Variants in CYP19A1 observed in about 807,000 individuals in gnomAD.
CYP19A1 encodes cytochrome P450 family 19 subfamily A member 1, also known as aromatase.
Under a neutral mutation model 44.4 loss-of-function variants are expected in CYP19A1, and 32 were observed. The ratio of observed to expected loss-of-function variants is 0.72; its 90% CI spans 0.54 to 0.97. The LOEUF (loss-of-function observed/expected upper bound fraction) is 0.97, where lower values mean the gene tolerates loss of function less well. Ranked by LOEUF, CYP19A1 falls within the 50% of genes least tolerant of loss-of-function variation. The probability of loss-of-function intolerance (pLI) is 0.00; values close to 1 mark genes in which losing one functional copy is unlikely to be tolerated. For synonymous variants in CYP19A1, 212 were observed against 215.6 expected, an observed-to-expected ratio of 0.98 and a Z score of 0.14; for missense variants, 598 against 637.8, an observed-to-expected ratio of 0.94 and a Z score of 0.67.
intron 1 of CYP19A1, among the ~76,000 whole-genome samples, chr15:51,308,165 C>T (rs976181573): frequency 6.6e-6 from 1 of 152,178 alleles, no homozygotes; most frequent in Non-Finnish European, 1.5e-5. Flanking sequence ...GGAGGAGAAG[C>T]TGCCCCTCAC....
At chr15:51,268,528 C>CCG (rs1555394978) in intron 1 of CYP19A1, among the ~76,000 whole-genome samples, 2 of 128,608 alleles carry the variant, frequency 1.6e-5, no homozygotes, top group Non-Finnish European at 3.4e-5. Flanking sequence ...TTCCCCCCCC[C>CCG]CCTTTTTTTT....
At chr15:51,307,140 G>T (rs775724172) in intron 1 of CYP19A1, among the ~76,000 whole-genome samples, 1 of 152,186 alleles carries the variant, frequency 6.6e-6, no homozygotes, top group Non-Finnish European at 1.5e-5. Context: ...GCCAACGAAA[G>T]CAAACGTGCC....
At chr15:51,212,294 A>C (rs1004738726) in intron 9 of CYP19A1, 26 bp downstream of exon 9, 1 of 1,501,412 alleles carries the variant, frequency 6.7e-7, no homozygotes. Flanking sequence ...AGAGTGGCAC[A>C]CTCAGTTTTA....
chr15:51,308,296 T>C (rs990182788), intron 1 of CYP19A1, among the ~76,000 whole-genome samples: 1 of 152,204 alleles, frequency 6.6e-6, no homozygotes, highest in East Asian at 1.9e-4. Context: ...TTGGGCTGCC[T>C]CTGATCCCCA....
intron 1 of CYP19A1, among the ~76,000 whole-genome samples, chr15:51,256,503 G>T (rs1566898215): frequency 6.6e-6 from 1 of 152,172 alleles, no homozygotes; most frequent in Admixed American, 6.5e-5. Flanking sequence ...GGGAGTGGGG[G>T]TCCTGCACAA....
chr15:51,333,870 T>G (rs1239267221), intron 1 of CYP19A1, among the ~76,000 whole-genome samples: 1 of 152,168 alleles, frequency 6.6e-6, no homozygotes, highest in Non-Finnish European at 1.5e-5. Flanking sequence ...TTACTCTGCC[T>G]TTGCAACCCA....
At chr15:51,324,299 A>G (rs953100772) in intron 1 of CYP19A1, among the ~76,000 whole-genome samples, 8 of 152,258 alleles carry the variant, frequency 5.3e-5, no homozygotes, top group Admixed American at 6.5e-5. Context: ...CTTCTTGGGA[A>G]TTATTCTAGT....
At chr15:51,232,864 A>G (rs2033134292) in intron 3 of CYP19A1, among the ~76,000 whole-genome samples, 1 of 152,204 alleles carries the variant, frequency 6.6e-6, no homozygotes, top group Non-Finnish European at 1.5e-5. Flanking sequence ...TAAATGAGTC[A>G]TATGTGTCAG....
chr15:51,257,116 A>G (rs532553218), intron 1 of CYP19A1, among the ~76,000 whole-genome samples: 2 of 152,376 alleles, frequency 1.3e-5, no homozygotes, highest in East Asian at 1.9e-4. Flanking sequence ...TGCCTGCAGC[A>G]TCAATACTGC....
chr15:51,299,216 C>G (rs1004607329), intron 1 of CYP19A1, among the ~76,000 whole-genome samples: 4 of 152,318 alleles, frequency 2.6e-5, no homozygotes, highest in Non-Finnish European at 5.9e-5. Flanking sequence ...GTTTACATGG[C>G]TTTCTGTTGA....
At chr15:51,218,341 A>G (rs1327127007) in intron 6 of CYP19A1, 200 bp downstream of exon 6, 4 of 731,594 alleles carry the variant, frequency 5.5e-6, no homozygotes, top group African/African-American at 3.5e-5. Context: ...GCCCAGCCAA[A>G]GGCTTCATTT....
chr15:51,218,734 A>G, intron 5 of CYP19A1, 79 bp from the exon 6 acceptor site: 1 of 1,543,640 alleles, frequency 6.5e-7, no homozygotes, highest in Non-Finnish European at 8.7e-7. Context: ...CTCTGAGCAG[A>G]AAACATTCCC....
intron 1 of CYP19A1, among the ~76,000 whole-genome samples, chr15:51,307,041 T>A (rs1326986567): frequency 6.6e-6 from 1 of 152,196 alleles, no homozygotes; most frequent in African/African-American, 2.4e-5. Flanking sequence ...GTAGGGGAGA[T>A]GTTTGGAAAA....
At chr15:51,252,068 G>A (rs754079644) in intron 1 of CYP19A1, among the ~76,000 whole-genome samples, 26 of 151,992 alleles carry the variant, frequency 1.7e-4, no homozygotes, top group Non-Finnish European at 2.6e-4. Context: ...TTTCTTCCAC[G>A]TTGTCTTAGG....
Position 51,236,873 on chromosome 15 carries a change from T to C in CYP19A1, c.282A>G (p.Thr94=), listed in dbSNP as rs2141105916. ...AACAGACTCACTTGCTGATAATGAGTGTTTCCTCTCCAGAGATCCAGACTC... is the reference window on the plus strand; with the variant it reads ...AACAGACTCACTTGCTGATAATGAGCGTTTCCTCTCCAGAGATCCAGACTC... ...FMRVWISGEE[T]LIISKSSSMF... The change falls in exon 3 of 10, where the codon ACA becomes ACG. Residue 94 remains threonine (T), a synonymous_variant. Transcript: ENST00000396402. The C allele has an allele frequency of 6.2e-7, 1 of 1,614,094 alleles. No homozygotes were observed. Among genetic ancestry groups the C allele is most frequent in the Non-Finnish European group, 8.5e-7 (1 of 1,179,998 alleles).
chr15:51,223,593 T>TCTCTCACACACACACACACACACACACA (rs1356666512), intron 4 of CYP19A1, among the ~76,000 whole-genome samples: 68 of 90,170 alleles, frequency 7.5e-4, no homozygotes, highest in Middle Eastern at 6.1e-3. Flanking sequence ...TCTCTCTCTC[T>TCTCTCACACACACACACACACACACACA]CACACACACA....
At chr15:51,234,865 T>C (rs1286051423) in intron 3 of CYP19A1, among the ~76,000 whole-genome samples, 1 of 152,124 alleles carries the variant, frequency 6.6e-6, no homozygotes, top group African/African-American at 2.4e-5. Context: ...TGGGTGACTC[T>C]AAGGTACAGC....
chr15:51,309,215 GCT>G (rs1222799637), intron 1 of CYP19A1, among the ~76,000 whole-genome samples: 4 of 152,164 alleles, frequency 2.6e-5, no homozygotes, highest in African/African-American at 9.7e-5. Flanking sequence ...CGGCTTTTTA[GCT>G]CTCTTTCTGC....
chr15:51,287,880 GCTCAATGCCTCA>G (rs1161388118), intron 1 of CYP19A1, among the ~76,000 whole-genome samples: 3 of 152,190 alleles, frequency 2.0e-5, no homozygotes, highest in Non-Finnish European at 4.4e-5. Flanking sequence ...ATGTTCAAAA[GCTCAATGCCTCA>G]GTGGAAAAAT....
Sources: allele counts gnomAD v4.1 joint callset (sites outside exome capture counted in the v4.1 genomes callset), GRCh38; gene constraint gnomAD v4.1.1; transcripts MANE v1.5; gene names NCBI Gene and HGNC (gene_info 2026-07-23, HGNC 2026-07-21).